MYLK: variants seen among roughly 807,000 people sequenced by gnomAD.
MYLK encodes the protein myosin light chain kinase.
In MYLK, 106 loss-of-function variants were observed where a neutral mutation model predicts 203.4. The observed-to-expected ratio is 0.52, with a 90% CI of 0.45 to 0.61. MYLK has a LOEUF of 0.61. Ranked by LOEUF, MYLK falls within the 20% of genes least tolerant of loss-of-function variation. The pLI is 0.00. For synonymous variants in MYLK, 867 were observed against 959.5 expected (o/e 0.90, Z 1.78); for missense variants, 2,072 against 2,442.3 (o/e 0.85, Z 3.20).
At chr3:123,698,528 C>T (rs1328966855) in intron 18 of MYLK, among the ~76,000 whole-genome samples, 10 of 152,264 alleles carry the variant, frequency 6.6e-5, no homozygotes, top group African/African-American at 1.2e-4. Flanking sequence ...CAGGTTGTGG[C>T]GTCTGCTCCT....
rs549776347 is a variant in MYLK, at chr3:123,757,472, T to G, written c.166-4934A>C. ...ACAGCTGCGGTGGCCCAACCGCAGA[T>G]AGGTCACATGAGCAGGAAGAAGGAA... On this transcript the variant is annotated intron_variant, in intron 4 of 33. Transcript: ENST00000360304. Among the ~76,000 whole-genome samples the G allele has an allele frequency of 2.6e-5, 4 of 152,124 alleles. No homozygotes were observed. In the East Asian group the frequency reaches 7.7e-4, roughly 29 times the overall value.
At chr3:123,663,336 G>A (rs1325717248) in intron 23 of MYLK, among the ~76,000 whole-genome samples, 2 of 152,164 alleles carry the variant, frequency 1.3e-5, no homozygotes, top group Non-Finnish European at 2.9e-5. Context: ...AAGGAAAATC[G>A]AGTGGAGTCA....
In MYLK at chr3:123,700,269, G is replaced by A; in HGVS notation, c.3199C>T (p.Leu1067Phe). ...ENLKSASKEE[L>F]KKDVKNDVNC... The stretch of plus-strand genomic sequence containing the variant: ...ACATCATTCTTAACGTCTTTCTTGA[G>A]TTCTTCTTTGCTAGCGGATTTCAGG... Residue 1067 changes from leucine to phenylalanine, a missense_variant, in exon 18 of 34, where the codon CTC becomes TTC. This residue lies in a region of MYLK where 865 missense variants were observed against 1,016.0 expected (regional missense o/e 0.85). Coordinates refer to ENST00000360304, the MANE Select transcript of MYLK (RefSeq NM_053025.4). 1 of 1,613,884 alleles carries A rather than the reference G, an allele frequency of 6.2e-7. No homozygotes were observed. The highest frequency in any genetic ancestry group is 8.5e-7 in the Non-Finnish European group (1 of 1,180,006).
At position 123,626,944 on chromosome 3, in the gene MYLK, G is replaced by T; in HGVS notation, c.5115-3C>A. 6.2e-7 allele frequency: 1 copy of T among 1,614,116 alleles called. No homozygotes were observed. The highest frequency in any genetic ancestry group is 1.1e-5 in the South Asian group (1 of 91,066). On this transcript the variant is annotated splice_polypyrimidine_tract_variant and splice_region_variant and intron_variant, in intron 30 of 33. Coordinates refer to ENST00000360304, the MANE Select transcript of MYLK (RefSeq NM_053025.4). ...ACTGCGTGCAGTCCAGGCGGTTTCT[G>T]ACAGAGGCAGAGATCAGGAGATTTT... is the stretch of plus-strand genomic sequence containing the variant.
chr3:123,799,723 T>C (rs934695548), intron 3 of MYLK: 1 of 152,420 alleles, frequency 6.6e-6, no homozygotes, highest in Admixed American at 6.5e-5. Context: ...ACAAGTTCTC[T>C]AATCACTCCT....
intron 13 of MYLK, among the ~76,000 whole-genome samples, chr3:123,720,971 T>C (rs1191773819): frequency 1.3e-5 from 2 of 152,160 alleles, no homozygotes; most frequent in Non-Finnish European, 2.9e-5. Flanking sequence ...GGCTCCAGGG[T>C]GCAGCTTTGC....
chr3:123,617,040 G>T (rs1192563592), intron 33 of MYLK: 1 of 151,996 alleles, frequency 6.6e-6, no homozygotes, highest in Non-Finnish European at 1.5e-5. Flanking sequence ...AAGTAATTAG[G>T]AACACCCAGA....
At chr3:123,658,555 C>A (rs2059463518) in intron 23 of MYLK, among the ~76,000 whole-genome samples, 1 of 152,198 alleles carries the variant, frequency 6.6e-6, no homozygotes, top group South Asian at 2.1e-4. Context: ...TGAAGCCTCA[C>A]AAACTAGCAA....
At chr3:123,863,984 T>C (rs946940444) in intron 2 of MYLK, among the ~76,000 whole-genome samples, 3 of 152,198 alleles carry the variant, frequency 2.0e-5, no homozygotes, top group African/African-American at 7.2e-5. Flanking sequence ...AAGTAAACTG[T>C]GGTATAGCCA....
chr3:123,731,876 C>T (rs1278409697), intron 11 of MYLK, among the ~76,000 whole-genome samples: 2 of 151,776 alleles, frequency 1.3e-5, no homozygotes, highest in Non-Finnish European at 1.5e-5. Context: ...TCTTGATGTT[C>T]CCATAAAAAC....
intron 3 of MYLK, among the ~76,000 whole-genome samples, chr3:123,818,685 C>G (rs2065825654): frequency 6.6e-6 from 1 of 152,112 alleles, no homozygotes; most frequent in African/African-American, 2.4e-5. Context: ...GCCAGACCCT[C>G]TCTCAAAAAC....
chr3:123,857,543 A>G (rs62263662), intron 2 of MYLK, among the ~76,000 whole-genome samples: 1 of 151,706 alleles, frequency 6.6e-6, no homozygotes, highest in Non-Finnish European at 1.5e-5. Context: ...AAACTATCGT[A>G]AGAACAAAAA....
rs1174844578 is a variant in MYLK at position 123,611,210 on chromosome 3, A to G, written c.*2895T>C. ...AGAGAATTATCTAGCCCTACATTTA[A>G]CAGCATGTCTTAAACTCTTTCTAGA... On this transcript the variant is annotated 3_prime_UTR_variant, in exon 34 of 34. Transcript: ENST00000360304. 1.3e-5 allele frequency: 2 copies of G among 152,228 alleles called. No individual in the cohort carries two copies. Among genetic ancestry groups the G allele is most frequent in the African/African-American group, 4.8e-5 (2 of 41,454 alleles). The allele number at this position is 152,228 out of a possible 1,614,324, so 9.4% of individuals were successfully genotyped here. A position where few individuals can be genotyped will look rare whatever the true frequency, so the allele number is the denominator to read the frequency against.
chr3:123,655,796 A>G (rs1238904107), intron 24 of MYLK, among the ~76,000 whole-genome samples: 2 of 152,238 alleles, frequency 1.3e-5, no homozygotes, highest in African/African-American at 4.8e-5. Flanking sequence ...TAATAACAGT[A>G]TCTGCTTCAT....
chr3:123,650,692 G>A (rs888061628), intron 24 of MYLK, among the ~76,000 whole-genome samples: 4 of 152,128 alleles, frequency 2.6e-5, no homozygotes, highest in Admixed American at 1.3e-4. Flanking sequence ...GGTTACTGTC[G>A]GGATGTGGGC....
chr3:123,745,889 ACT>A (rs1371517611), intron 5 of MYLK, among the ~76,000 whole-genome samples: 1 of 152,066 alleles, frequency 6.6e-6, no homozygotes, highest in East Asian at 1.9e-4. Context: ...ATGGAGTCTC[ACT>A]CTGTCGCCCA....
chr3:123,752,475 C>A lies in MYLK; in HGVS notation c.229G>T (p.Gly77Cys), dbSNP rs139000120. Residue 77 changes from glycine to cysteine, a missense_variant, in exon 5 of 34, where the codon GGC (glycine) becomes TGC (cysteine). Coordinates refer to ENST00000360304, the MANE Select transcript of MYLK (RefSeq NM_053025.4). The stretch of plus-strand genomic sequence containing the variant: ...ATGCCGCAATCCAGCAGGAAGCGGC[C>A]CCCGCTGGTGATGGGTTGCCCGTTT... ...HRNGQPITSG[G>C]RFLLDCGIRG... The A allele has an allele frequency of 6.2e-7, 1 of 1,614,142 alleles. No homozygotes were observed. Among genetic ancestry groups the A allele is most frequent in the East Asian group, 2.2e-5 (1 of 44,866 alleles).
chr3:123,877,054 T>C (rs1363336382), intron 1 of MYLK, among the ~76,000 whole-genome samples: 2 of 152,204 alleles, frequency 1.3e-5, no homozygotes, highest in African/African-American at 4.8e-5. Flanking sequence ...TATTAGGAAC[T>C]TAACTCATTC....
At position 123,662,785 on chromosome 3, in the gene MYLK, TGA is replaced by T. The variant is rs1490255064; in HGVS notation, c.3985+1318_3985+1319del. Among the ~76,000 whole-genome samples the T allele has an allele frequency of 2.0e-5, 3 of 152,164 alleles. No individual in the cohort carries two copies. In the East Asian group the frequency reaches 5.8e-4, roughly 29 times the overall value. On this transcript the variant is annotated intron_variant, in intron 23 of 33. Transcript: ENST00000360304. ...TAAGGTTGGGATCAGCACACACAGCTGAGAGTTTTGTGCACTGCATAAAAGGG... is the reference window on the plus strand; with the variant it reads ...TAAGGTTGGGATCAGCACACACAGCTGAGTTTTGTGCACTGCATAAAAGGG...
Sources: gnomAD v4.1 joint callset for allele counts (sites outside exome capture counted in the v4.1 genomes callset) on GRCh38, gnomAD v4.1.1 for gene constraint, gnomAD v4.1.1 regional missense constraint, MANE v1.5 for transcripts, NCBI Gene and HGNC (gene_info 2026-07-23, HGNC 2026-07-21) for gene names.